The following RORA variants were observed in gnomAD, a reference collection of about 807,000 sequenced individuals.
RORA encodes RAR related orphan receptor A, also known as nuclear receptor ROR-alpha.
Under a neutral mutation model 69.5 loss-of-function variants are expected in RORA, and 7 were observed. That is an observed-to-expected ratio of 0.10 (90% CI 0.06 to 0.19). The LOEUF (loss-of-function observed/expected upper bound fraction) is 0.19, where lower values mean the gene tolerates loss of function less well. RORA is among the 10% of genes least tolerant of loss of function. RORA has a pLI of 1.00. For synonymous variants in RORA, 261 were observed against 240.8 expected (o/e 1.08, Z -0.78); for missense variants, 457 against 663.0 (o/e 0.69, Z 3.41).
At chr15:61,111,005 A>T (rs748238117) in intron 1 of RORA, among the ~76,000 whole-genome samples, 1 of 152,140 alleles carries the variant, frequency 6.6e-6, no homozygotes, top group African/African-American at 2.4e-5. Flanking sequence ...ACTTCCACAA[A>T]TGTTCCTGGC....
chr15:60,989,933 C>A lies in RORA; in HGVS notation c.166+239120G>T, dbSNP rs73434281. On this transcript the variant is annotated intron_variant, in intron 1 of 10. Transcript: ENST00000335670. ...TAAGAAAAGTAGTCCATTCACAGGT[C>A]CACCCACTATACTTAGAACTTCTTT... Among the ~76,000 whole-genome samples, 826 of 152,108 alleles carry A rather than the reference C, an allele frequency of 5.4e-3. 2 individuals are homozygous for A. Among genetic ancestry groups the A allele is most frequent in the African/African-American group, 0.019 (777 of 41,490 alleles).
At chr15:60,637,805 CTTTTCTTTCTTT>C (rs949778353) in intron 2 of RORA, among the ~76,000 whole-genome samples, 7 of 151,480 alleles carry the variant, frequency 4.6e-5, no homozygotes, top group African/African-American at 9.8e-5. Flanking sequence ...ATCCCTAGTC[CTTTTCTTTCTTT>C]TTTTCTTTCT....
chr15:61,154,146 A>G (rs941118923), intron 1 of RORA, among the ~76,000 whole-genome samples: 2 of 152,018 alleles, frequency 1.3e-5, no homozygotes, highest in African/African-American at 2.4e-5. Context: ...AACCTCCCCA[A>G]ATCCACATCT....
chr15:60,895,975 G>C (rs1031334183), intron 1 of RORA, among the ~76,000 whole-genome samples: 7 of 152,186 alleles, frequency 4.6e-5, no homozygotes, highest in African/African-American at 1.7e-4. Flanking sequence ...TTCAATGGCA[G>C]CCTTCTAGGG....
chr15:61,192,425 T>C (rs923738138), intron 1 of RORA, among the ~76,000 whole-genome samples: 2 of 152,132 alleles, frequency 1.3e-5, no homozygotes, highest in African/African-American at 4.8e-5. Flanking sequence ...ATATCTACCA[T>C]CCGCACCCAA....
chr15:60,624,481 T>TATATATATATATATATATAC (rs1368114046), intron 2 of RORA, among the ~76,000 whole-genome samples: 1 of 121,024 alleles, frequency 8.3e-6, no homozygotes, highest in African/African-American at 3.4e-5. Flanking sequence ...CATATATATA[T>TATATATATATATATATATAC]ATATATATAT....
At chr15:61,109,111 G>C (rs2078978926) in intron 1 of RORA, among the ~76,000 whole-genome samples, 1 of 152,160 alleles carries the variant, frequency 6.6e-6, no homozygotes, top group South Asian at 2.1e-4. Flanking sequence ...CACGAGAATA[G>C]CTTGAACCCA....
intron 1 of RORA, chr15:60,765,036 G>A (rs1395134001): frequency 6.6e-6 from 1 of 152,018 alleles, no homozygotes; most frequent in East Asian, 1.9e-4. Context: ...ATTGAATCGG[G>A]AAGTTGGTGC....
chr15:61,031,495 T>C (rs925505378), intron 1 of RORA, among the ~76,000 whole-genome samples: 2 of 152,214 alleles, frequency 1.3e-5, no homozygotes, highest in Non-Finnish European at 1.5e-5. Flanking sequence ...ATATTGTTGC[T>C]GAAGTTTTGT....
At chr15:61,180,764 C>T (rs2079676918) in intron 1 of RORA, among the ~76,000 whole-genome samples, 1 of 152,154 alleles carries the variant, frequency 6.6e-6, no homozygotes, top group Non-Finnish European at 1.5e-5. Context: ...TGAGTTCCAG[C>T]ACCTAGCACA....
chr15:61,078,295 C>T (rs993262358), intron 1 of RORA, among the ~76,000 whole-genome samples: 1 of 151,084 alleles, frequency 6.6e-6, no homozygotes, highest in African/African-American at 2.4e-5. Flanking sequence ...TCCTGAGTAG[C>T]TGAGATTACA....
rs1367018637 is a variant in RORA at position 61,169,789 on chromosome 15, C to G, written c.166+59264G>C. Reference sequence around the variant, plus strand: ...CAAACGGCCTCAGAAAAAAAAGAAACAGCTCACATTCCTGGTACAGGGCAC... The same window carrying G: ...CAAACGGCCTCAGAAAAAAAAGAAAGAGCTCACATTCCTGGTACAGGGCAC... On this transcript the variant is annotated intron_variant, in intron 1 of 10. Coordinates refer to ENST00000335670, the MANE Select transcript of RORA (RefSeq NM_134261.3). Among the ~76,000 whole-genome samples, 5 of 151,700 alleles carry G rather than the reference C, an allele frequency of 3.3e-5. No homozygotes were observed. In the South Asian group the frequency reaches 6.3e-4, roughly 19 times the overall value.
intron 1 of RORA, among the ~76,000 whole-genome samples, chr15:60,704,477 C>T (rs895081613): frequency 1.3e-5 from 2 of 152,188 alleles, no homozygotes; most frequent in African/African-American, 4.8e-5. Context: ...AAACAATGGC[C>T]AGGGCTCTGT....
At chr15:61,126,771 C>A (rs1487049813) in intron 1 of RORA, among the ~76,000 whole-genome samples, 1 of 152,110 alleles carries the variant, frequency 6.6e-6, no homozygotes, top group African/African-American at 2.4e-5. Flanking sequence ...ACAGGACCTC[C>A]CTATTGGAAC....
At chr15:61,123,866 C>T (rs1433620901) in intron 1 of RORA, among the ~76,000 whole-genome samples, 1 of 152,218 alleles carries the variant, frequency 6.6e-6, no homozygotes, top group Non-Finnish European at 1.5e-5. Context: ...CTACTTCCTA[C>T]ATGCTGGGGC....
intron 1 of RORA, among the ~76,000 whole-genome samples, chr15:60,855,250 A>C (rs1195576627): frequency 6.6e-6 from 1 of 152,224 alleles, no homozygotes; most frequent in Non-Finnish European, 1.5e-5. Flanking sequence ...TTCATGTTGC[A>C]AACTAGATGG....
At chr15:61,139,068 C>CAGGAGGCGGAGCTTGCAGTGAGCCA (rs2079272635) in intron 1 of RORA, among the ~76,000 whole-genome samples, 1 of 151,904 alleles carries the variant, frequency 6.6e-6, no homozygotes, top group African/African-American at 2.4e-5. Flanking sequence ...GGCACGAACC[C>CAGGAGGCGGAGCTTGCAGTGAGCCA]AGGAGGCGGA....
At chr15:60,526,466 A>G (rs2066360111) in intron 3 of RORA, among the ~76,000 whole-genome samples, 1 of 152,238 alleles carries the variant, frequency 6.6e-6, no homozygotes, top group African/African-American at 2.4e-5. Flanking sequence ...TTACTGGGAC[A>G]TGATTAAGAT....
At chr15:61,210,173 G>A (rs2079978066) in intron 1 of RORA, among the ~76,000 whole-genome samples, 2 of 152,218 alleles carry the variant, frequency 1.3e-5, no homozygotes, top group Admixed American at 6.5e-5. Flanking sequence ...AGGAAGGGCA[G>A]AGCTTCACTA....
Sources: gnomAD v4.1 joint callset for allele counts (sites outside exome capture counted in the v4.1 genomes callset) on GRCh38, gnomAD v4.1.1 for gene constraint, MANE v1.5 for transcripts, NCBI Gene and HGNC (gene_info 2026-07-23, HGNC 2026-07-21) for gene names.